FSHR: variants seen among roughly 807,000 people sequenced by gnomAD.
The protein encoded by FSHR is follicle stimulating hormone receptor, also known as follicle-stimulating hormone receptor.
FSHR carries 46 observed loss-of-function variants against 52.1 expected under a neutral mutation model. The observed-to-expected ratio is 0.88, with a 90% CI of 0.70 to 1.13. The LOEUF (loss-of-function observed/expected upper bound fraction) is 1.13, where lower values mean the gene tolerates loss of function less well. FSHR is among the 50% of genes most tolerant of loss of function. The pLI is 0.00. For missense variants in FSHR, 964 were observed against 834.6 expected (o/e 1.16, Z -1.91); for synonymous variants, 399 against 309.6 (o/e 1.29, Z -3.03).
At chr2:49,064,449 C>T (rs1669430997) in intron 2 of FSHR, among the ~76,000 whole-genome samples, 1 of 152,044 alleles carries the variant, frequency 6.6e-6, no homozygotes, top group African/African-American at 2.4e-5. Context: ...ACATGTTTGT[C>T]CCCTTTTGCC....
chr2:49,001,053 C>T (rs1666863801), intron 4 of FSHR, among the ~76,000 whole-genome samples: 1 of 152,052 alleles, frequency 6.6e-6, no homozygotes, highest in South Asian at 2.1e-4. Flanking sequence ...CTAAGGTAAA[C>T]ATAATTATGA....
intron 4 of FSHR, among the ~76,000 whole-genome samples, chr2:49,015,299 A>G (rs566510277): frequency 6.6e-6 from 1 of 152,302 alleles, no homozygotes; most frequent in East Asian, 1.9e-4. Context: ...ACCCTTGCCA[A>G]GCATTTGTAG....
At chr2:49,127,873 TCTTCTTCTTCTTC>T (rs1672110667) in intron 1 of FSHR, among the ~76,000 whole-genome samples, 1 of 45,374 alleles carries the variant, frequency 2.2e-5, no homozygotes, top group East Asian at 1.1e-3. Context: ...TTCTTCTTCT[TCTTCTTCTTCTTC>T]TTCTTCTTCT....
intron 1 of FSHR, among the ~76,000 whole-genome samples, chr2:49,130,408 T>C (rs1211059477): frequency 1.3e-5 from 2 of 152,192 alleles, no homozygotes. Flanking sequence ...TCATTCCAAG[T>C]TCTGGCCTTG....
At chr2:49,134,891 A>G (rs930785694) in intron 1 of FSHR, among the ~76,000 whole-genome samples, 4 of 152,156 alleles carry the variant, frequency 2.6e-5, no homozygotes, top group Non-Finnish European at 4.4e-5. Context: ...CAGGAAGGGG[A>G]ACATCACACT....
intron 1 of FSHR, among the ~76,000 whole-genome samples, chr2:49,069,374 T>A (rs1343501597): frequency 6.6e-6 from 1 of 152,196 alleles, no homozygotes; most frequent in East Asian, 1.9e-4. Flanking sequence ...TTTGCTCAAA[T>A]GTTACCATTT....
In FSHR at chr2:49,077,673, T is replaced by G. The variant is rs147128479; in HGVS notation, c.153-9383A>C. 2.2e-3 allele frequency among the ~76,000 whole-genome samples: 338 copies of G among 152,326 alleles called. 2 individuals carry two copies. Among genetic ancestry groups the G allele is most frequent in the African/African-American group, 7.9e-3 (329 of 41,572 alleles). ...TTTGGCTCTGATTATTTTATAAAAC[T>G]GAATGTCTTCAACAGCACCCAAGTC... On this transcript the variant is annotated intron_variant, in intron 1 of 9. Transcript: ENST00000406846.
At chr2:48,993,739 G>A (rs1675890363) in intron 4 of FSHR, among the ~76,000 whole-genome samples, 2 of 152,086 alleles carry the variant, frequency 1.3e-5, no homozygotes, top group African/African-American at 4.8e-5. Context: ...TAGCCCCTGT[G>A]GCTTTCTTTC....
At chr2:49,041,807 A>G (rs1328763535) in intron 2 of FSHR, among the ~76,000 whole-genome samples, 2 of 151,994 alleles carry the variant, frequency 1.3e-5, no homozygotes, top group African/African-American at 2.4e-5. Flanking sequence ...AGTGAAAAAA[A>G]AAAAGAAAGC....
At chr2:48,982,725 T>C (rs1455292638) in intron 8 of FSHR, among the ~76,000 whole-genome samples, 187 bp downstream of exon 8, 2 of 152,216 alleles carry the variant, frequency 1.3e-5, no homozygotes, top group Non-Finnish European at 2.9e-5. Flanking sequence ...TTAGTGTTGC[T>C]TTTTAATGGA....
At chr2:49,046,270 C>A (rs983049652) in intron 2 of FSHR, among the ~76,000 whole-genome samples, 1 of 152,190 alleles carries the variant, frequency 6.6e-6, no homozygotes, top group South Asian at 2.1e-4. Flanking sequence ...TGTTTATGTA[C>A]GTCCTACTTC....
chr2:49,084,162 A>G (rs1670285704), intron 1 of FSHR, among the ~76,000 whole-genome samples: 1 of 152,240 alleles, frequency 6.6e-6, no homozygotes, highest in Non-Finnish European at 1.5e-5. Flanking sequence ...ACCACAGTGC[A>G]ATCAAACTAG....
intron 2 of FSHR, among the ~76,000 whole-genome samples, chr2:49,021,137 C>G (rs140844031): frequency 6.6e-6 from 1 of 152,242 alleles, no homozygotes; most frequent in African/African-American, 2.4e-5. Flanking sequence ...ATTTAAATCC[C>G]TTTCCACTCC....
Position 48,968,867 on chromosome 2 carries a change from T to C in FSHR, c.685A>G (p.Arg229Gly), listed in dbSNP as rs201122960. 47 of 1,613,532 alleles carry C rather than the reference T, an allele frequency of 2.9e-5. No individual in the cohort carries two copies. Among genetic ancestry groups the C allele is most frequent in the Non-Finnish European group, 4.0e-5 (47 of 1,179,886 alleles). ...CCATAGCTAGGCAGGGAATGGATCC[T>C]TGTTCTTGAAATATCTCTATAAAGA... Reference protein sequence around the residue: ...GPVILDISRTRIHSLPSYGLE... With the variant: ...GPVILDISRTGIHSLPSYGLE... Residue 229 changes from arginine to glycine, a missense_variant, in exon 9 of 10, where the codon AGG becomes GGG. Coordinates refer to ENST00000406846, the MANE Select transcript of FSHR (RefSeq NM_000145.4).
Position 49,100,420 on chromosome 2 carries a change from A to T in FSHR, c.153-32130T>A, listed in dbSNP as rs193101912. On this transcript the variant is annotated intron_variant, in intron 1 of 9. Coordinates refer to ENST00000406846, the MANE Select transcript of FSHR (RefSeq NM_000145.4). Reference sequence around the variant, plus strand: ...CAATTTAAATAAAATAAAATACTCAACTGTTCAGTCATCCTTGCAGCTCAG... The same window carrying T: ...CAATTTAAATAAAATAAAATACTCATCTGTTCAGTCATCCTTGCAGCTCAG... Among the ~76,000 whole-genome samples the T allele has an allele frequency of 2.6e-5, 4 of 152,312 alleles. No homozygotes were observed. In the East Asian group the frequency reaches 7.7e-4, roughly 29 times the overall value.
chr2:48,985,755 G>A (rs1247446228), intron 6 of FSHR, among the ~76,000 whole-genome samples: 5 of 115,984 alleles, frequency 4.3e-5, no homozygotes, highest in African/African-American at 1.3e-4. Flanking sequence ...CGCCCAGGCC[G>A]GACTGCGGAC....
At chr2:48,965,333 C>T (rs1218137273) in intron 9 of FSHR, among the ~76,000 whole-genome samples, 1 of 152,112 alleles carries the variant, frequency 6.6e-6, no homozygotes, top group African/African-American at 2.4e-5. Context: ...ATTGAATTGC[C>T]AGGAAGTCAT....
At chr2:49,078,040 G>T (rs1324707888) in intron 1 of FSHR, among the ~76,000 whole-genome samples, 1 of 152,180 alleles carries the variant, frequency 6.6e-6, no homozygotes, top group Non-Finnish European at 1.5e-5. Flanking sequence ...CACATTTTCA[G>T]GTGTGTTTTC....
rs776939476 is a variant in FSHR at position 48,963,516 on chromosome 2, G to A, written c.1305C>T (p.Asp435=). The A allele has an allele frequency of 8.1e-6, 13 of 1,614,074 alleles. No individual in the cohort carries two copies. The African/African-American group carries it at 1.6e-4, about 20-fold the overall frequency. The change falls in exon 10 of 10, where the codon GAC becomes GAT. Residue 435 remains aspartate (D), a synonymous_variant. Transcript: ENST00000406846. ...TKSQYHNYAI[D]WQTGAGCDAA... is the part of the protein sequence containing the mutation. The stretch of plus-strand genomic sequence containing the variant: ...CATCACAGCCTGCCCCAGTTTGCCA[G>A]TCAATGGCATAGTTGTGATATTGGC...
Sources: allele counts gnomAD v4.1 joint callset (sites outside exome capture counted in the v4.1 genomes callset), GRCh38; gene constraint gnomAD v4.1.1; transcripts MANE v1.5; gene names NCBI Gene and HGNC (gene_info 2026-07-23, HGNC 2026-07-21).